The following EIF4G3 variants were observed in gnomAD, a reference collection of about 807,000 sequenced individuals.
EIF4G3 encodes eukaryotic translation initiation factor 4 gamma 3.
A neutral mutation model predicts 186.4 loss-of-function variants in EIF4G3; 34 were observed. The observed-to-expected ratio is 0.18, with a 90% CI of 0.14 to 0.24. EIF4G3 has a LOEUF of 0.24. EIF4G3 is among the 10% of genes least tolerant of loss of function. The probability of loss-of-function intolerance (pLI) is 1.00; values close to 1 mark genes in which losing one functional copy is unlikely to be tolerated. For synonymous variants in EIF4G3, 673 were observed against 679.5 expected, an observed-to-expected ratio of 0.99 and a Z score of 0.15; for missense variants, 1,536 against 1,948.5, an observed-to-expected ratio of 0.79 and a Z score of 3.99.
intron 34 of EIF4G3, 95 bp from the exon 35 acceptor site, chr1:20,813,334 C>T: frequency 1.5e-6 from 1 of 688,312 alleles, no homozygotes; most frequent in East Asian, 3.4e-5. Context: ...GAGGCCGAGA[C>T]AGGAGGATCA....
chr1:20,868,856 T>C (rs2078308686), intron 20 of EIF4G3, among the ~76,000 whole-genome samples: 1 of 152,102 alleles, frequency 6.6e-6, no homozygotes, highest in South Asian at 2.1e-4. Context: ...AAACTAACAA[T>C]GTGGCATTAG....
intron 7 of EIF4G3, among the ~76,000 whole-genome samples, chr1:20,986,758 A>AAT (rs2154567341): frequency 6.7e-6 from 1 of 148,172 alleles, no homozygotes; most frequent in South Asian, 2.1e-4. Context: ...AAAAAAAAAA[A>AAT]AAAAAAAAAA....
intron 2 of EIF4G3, among the ~76,000 whole-genome samples, chr1:21,136,806 A>G (rs1037446469): frequency 6.6e-6 from 1 of 152,172 alleles, no homozygotes; most frequent in African/African-American, 2.4e-5. Flanking sequence ...CAGTATTTAC[A>G]CTTGAATATA....
intron 25 of EIF4G3, among the ~76,000 whole-genome samples, chr1:20,855,467 G>C (rs1044000937): frequency 6.6e-6 from 1 of 152,152 alleles, no homozygotes; most frequent in African/African-American, 2.4e-5. Flanking sequence ...TCAGAAAACA[G>C]ATCAACAGAC....
At chr1:20,865,321 A>G in intron 20 of EIF4G3, 59 bp from the exon 21 acceptor site, 1 of 1,582,262 alleles carries the variant, frequency 6.3e-7, no homozygotes, top group Non-Finnish European at 8.6e-7. Flanking sequence ...CATTAAAAAT[A>G]TCTGTTTGCT....
chr1:20,958,799 A>G (rs1408128258), intron 12 of EIF4G3, among the ~76,000 whole-genome samples: 1 of 152,134 alleles, frequency 6.6e-6, no homozygotes, highest in East Asian at 1.9e-4. Context: ...ACCTTTTACC[A>G]CAGCTGCAAA....
chr1:21,011,868 C>T (rs1216394669), intron 4 of EIF4G3, among the ~76,000 whole-genome samples: 3 of 152,136 alleles, frequency 2.0e-5, no homozygotes, highest in African/African-American at 4.8e-5. Context: ...TAAGGAAAAG[C>T]ACTTGTAACA....
chr1:20,811,953 T>C (rs926398559), intron 35 of EIF4G3, among the ~76,000 whole-genome samples: 3 of 152,156 alleles, frequency 2.0e-5, no homozygotes, highest in East Asian at 3.8e-4. Context: ...TTGTTATTAC[T>C]AGGATAAAAA....
At chr1:20,989,523 C>CTGCAG (rs1262687776) in intron 7 of EIF4G3, among the ~76,000 whole-genome samples, 3 of 120,810 alleles carry the variant, frequency 2.5e-5, no homozygotes, top group Non-Finnish European at 4.8e-5. Context: ...TGCCACTGCA[C>CTGCAG]TGCAGCCTGG....
chr1:21,080,823 G>A (rs1255909399), intron 3 of EIF4G3, among the ~76,000 whole-genome samples: 1 of 152,014 alleles, frequency 6.6e-6, no homozygotes, highest in African/African-American at 2.4e-5. Context: ...TTTTTCATAA[G>A]CAGTTACTAA....
At chr1:21,121,031 C>T (rs185695437) in intron 2 of EIF4G3, among the ~76,000 whole-genome samples, 51 of 152,232 alleles carry the variant, frequency 3.4e-4, no homozygotes, top group African/African-American at 1.2e-3. Context: ...GCAGTCCTCC[C>T]ACCTCAGCCT....
intron 14 of EIF4G3, among the ~76,000 whole-genome samples, chr1:20,920,080 A>AT (rs1222158793): frequency 2.0e-5 from 3 of 151,876 alleles, no homozygotes; most frequent in Admixed American, 6.6e-5. Flanking sequence ...CTAATTTTGT[A>AT]TTTTTTGTAG....
At chr1:21,037,204 T>C (rs2093275157) in intron 4 of EIF4G3, among the ~76,000 whole-genome samples, 2 of 147,128 alleles carry the variant, frequency 1.4e-5, no homozygotes, top group Admixed American at 6.9e-5. Context: ...TTTACTGAAC[T>C]GTACAAAATT....
intron 14 of EIF4G3, among the ~76,000 whole-genome samples, chr1:20,908,948 G>A (rs1041460218): frequency 1.3e-5 from 2 of 152,040 alleles, no homozygotes; most frequent in African/African-American, 2.4e-5. Flanking sequence ...TCAAGAGTTC[G>A]AGACCAGCCT....
chr1:20,876,848 T>A (rs758510857), intron 20 of EIF4G3, among the ~76,000 whole-genome samples: 3 of 151,718 alleles, frequency 2.0e-5, no homozygotes, highest in Non-Finnish European at 4.4e-5. Context: ...AATAAAAAAA[T>A]AGCCAGGCCT....
chr1:20,904,749 C>T (rs190941362), intron 15 of EIF4G3, 134 bp downstream of exon 15: 2 of 502,922 alleles, frequency 4.0e-6, no homozygotes, highest in East Asian at 6.6e-5. Flanking sequence ...ATAAAATGGA[C>T]TTAAAACAAT....
At chr1:20,923,365 A>T (rs972761785) in intron 14 of EIF4G3, among the ~76,000 whole-genome samples, 1 of 152,160 alleles carries the variant, frequency 6.6e-6, no homozygotes, top group Non-Finnish European at 1.5e-5. Flanking sequence ...GACCACTGGC[A>T]TATCTTCTAG....
chr1:21,034,042 C>T (rs1323592515), intron 4 of EIF4G3, among the ~76,000 whole-genome samples: 5 of 152,138 alleles, frequency 3.3e-5, no homozygotes, highest in Non-Finnish European at 7.4e-5. Flanking sequence ...AGTTCAAGAA[C>T]TATGATTATG....
chr1:20,865,826 T>C (rs750626851), intron 20 of EIF4G3, among the ~76,000 whole-genome samples: 1 of 152,202 alleles, frequency 6.6e-6, no homozygotes, highest in Non-Finnish European at 1.5e-5. Flanking sequence ...TACTGCTTAT[T>C]GCTTATGTGC....
Sources: gnomAD v4.1 joint callset for allele counts (sites outside exome capture counted in the v4.1 genomes callset) on GRCh38, gnomAD v4.1.1 for gene constraint, MANE v1.5 for transcripts, NCBI Gene and HGNC (gene_info 2026-07-23, HGNC 2026-07-21) for gene names.